NEIL3: variants seen among roughly 807,000 people sequenced by gnomAD.
NEIL3 encodes nei like DNA glycosylase 3.
Under a neutral mutation model 57.5 loss-of-function variants are expected in NEIL3, and 48 were observed. The ratio of observed to expected loss-of-function variants is 0.83; its 90% CI spans 0.66 to 1.06. The LOEUF (loss-of-function observed/expected upper bound fraction) is 1.06, where lower values mean the gene tolerates loss of function less well. Among genes scored for constraint, NEIL3 ranks in the 50% least tolerant of loss-of-function variants. The pLI is 0.00. For synonymous variants in NEIL3, 261 were observed against 253.2 expected (o/e 1.03, Z -0.29); for missense variants, 717 against 739.1 (o/e 0.97, Z 0.35).
chr4:177,318,559 A>G (rs771023513), intron 1 of NEIL3, among the ~76,000 whole-genome samples: 4 of 152,280 alleles, frequency 2.6e-5, no homozygotes, highest in East Asian at 3.9e-4. Flanking sequence ...CAGAAAATCT[A>G]TCTACTACTC....
intron 1 of NEIL3, among the ~76,000 whole-genome samples, chr4:177,320,471 T>G (rs1255315053): frequency 1.2e-5 from 1 of 80,656 alleles, no homozygotes; most frequent in South Asian, 4.0e-4. Flanking sequence ...GCTGTCTTTT[T>G]TTTTTTTTTT....
At chr4:177,349,452 G>A (rs1051345995) in intron 6 of NEIL3, among the ~76,000 whole-genome samples, 4 of 152,028 alleles carry the variant, frequency 2.6e-5, no homozygotes, top group African/African-American at 9.7e-5. Context: ...CTCTGCCTTT[G>A]TGGTCTCCTT....
At chr4:177,320,700 C>T (rs1734667520) in intron 1 of NEIL3, among the ~76,000 whole-genome samples, 1 of 151,156 alleles carries the variant, frequency 6.6e-6, no homozygotes, top group African/African-American at 2.4e-5. Flanking sequence ...ATCTCCTGAC[C>T]TCGTGATCCG....
At chr4:177,366,251 A>C (rs1735691201), downstream of NEIL3, among the ~76,000 whole-genome samples, 1 of 152,248 alleles carries the variant, frequency 6.6e-6, no homozygotes, top group African/African-American at 2.4e-5. Flanking sequence ...CAACTATATC[A>C]TCAAGGATGG....
At chr4:177,329,838 A>G (rs748408139) in intron 2 of NEIL3, among the ~76,000 whole-genome samples, 14 of 152,226 alleles carry the variant, frequency 9.2e-5, no homozygotes, top group Non-Finnish European at 1.6e-4. Flanking sequence ...ATTTAAAAGT[A>G]TTGATATCAT....
At chr4:177,344,723 A>T (rs1735177192) in intron 6 of NEIL3, among the ~76,000 whole-genome samples, 1 of 151,736 alleles carries the variant, frequency 6.6e-6, no homozygotes, top group African/African-American at 2.4e-5. Flanking sequence ...CACCACGCCC[A>T]GCTAATTTTT....
chr4:177,364,251 C>T (rs1735663148), downstream of NEIL3, among the ~76,000 whole-genome samples: 1 of 152,170 alleles, frequency 6.6e-6, no homozygotes, highest in Non-Finnish European at 1.5e-5. Context: ...CTGAACCCAA[C>T]CTCCCCACAG....
At chr4:177,366,077 G>A (rs1735688416), downstream of NEIL3, among the ~76,000 whole-genome samples, 1 of 152,138 alleles carries the variant, frequency 6.6e-6, no homozygotes, top group African/African-American at 2.4e-5. Flanking sequence ...GGGAAATAAA[G>A]CCAGGTGGAA....
downstream of NEIL3, among the ~76,000 whole-genome samples, chr4:177,365,741 G>T (rs1162792450): frequency 6.6e-6 from 1 of 152,140 alleles, no homozygotes; most frequent in Non-Finnish European, 1.5e-5. Flanking sequence ...TATGCTGTAG[G>T]AATTTAACTC....
intron 1 of NEIL3, among the ~76,000 whole-genome samples, chr4:177,312,127 TG>T (rs1274956739): frequency 9.8e-5 from 15 of 152,326 alleles, no homozygotes; most frequent in African/African-American, 3.6e-4. Flanking sequence ...TGGCATGAGA[TG>T]CTTTTACATT....
In NEIL3 at chr4:177,360,681, T is replaced by A; in HGVS notation, c.1635+4T>A. The A allele has an allele frequency of 6.3e-7, 1 of 1,595,686 alleles. No individual in the cohort carries two copies. The highest frequency in any genetic ancestry group is 1.7e-5 in the Admixed American group (1 of 58,396). On this transcript the variant is annotated splice_donor_region_variant and intron_variant, in intron 9 of 9. Coordinates refer to ENST00000264596, the MANE Select transcript of NEIL3 (RefSeq NM_018248.3). ...AGCACAATGTGGATTTTTTGAAGTA[T>A]GTGTAAGATTTATCTAGCTTACTAA...
At chr4:177,319,213 CTT>C (rs1315880036) in intron 1 of NEIL3, among the ~76,000 whole-genome samples, 2 of 152,106 alleles carry the variant, frequency 1.3e-5, no homozygotes, top group Non-Finnish European at 2.9e-5. Flanking sequence ...TTCTCTGTCT[CTT>C]TGCTAGTAGC....
intron 5 of NEIL3, 147 bp from the exon 6 acceptor site, chr4:177,341,329 G>A (rs1302139429): frequency 1.9e-6 from 1 of 529,180 alleles, no homozygotes; most frequent in Non-Finnish European, 3.1e-6. Flanking sequence ...TTTCTCTGAT[G>A]AAAGAAAAGA....
At chr4:177,310,230 A>T in intron 1 of NEIL3, 121 bp downstream of exon 1, 1 of 1,118,342 alleles carries the variant, frequency 8.9e-7, no homozygotes. Context: ...CTGGGGTCCC[A>T]CCTTTCACAG....
chr4:177,342,900 A>G (rs1402982473), intron 6 of NEIL3: 1 of 152,210 alleles, frequency 6.6e-6, no homozygotes, highest in Non-Finnish European at 1.5e-5. Context: ...GGTCATTAGT[A>G]GTTTGGAGAA....
downstream of NEIL3, among the ~76,000 whole-genome samples, chr4:177,363,692 T>A (rs6858636): frequency 0.98 from 149,530 of 152,338 alleles, 73,439 homozygotes; most frequent in East Asian, 1. Context: ...TAAATGAAAC[T>A]ATAGGTTATA....
chr4:177,348,329 C>T (rs73865002), intron 6 of NEIL3, among the ~76,000 whole-genome samples: 1 of 152,160 alleles, frequency 6.6e-6, no homozygotes, highest in African/African-American at 2.4e-5. Context: ...GGTTCCCCCC[C>T]TCTACCAGGT....
chr4:177,331,287 G>C (rs1018970607), intron 2 of NEIL3, among the ~76,000 whole-genome samples: 1 of 150,770 alleles, frequency 6.6e-6, no homozygotes, highest in Non-Finnish European at 1.5e-5. Context: ...CTATATTCAG[G>C]TTCACTTATT....
rs919260579 is a variant in NEIL3 at position 177,345,074 on chromosome 4, C to G, written c.869+3432C>G. Among the ~76,000 whole-genome samples the G allele has an allele frequency of 1.3e-5, 2 of 151,896 alleles. 1 individual carries two copies. The highest frequency in any genetic ancestry group is 2.9e-5 in the Non-Finnish European group (2 of 67,982). On this transcript the variant is annotated intron_variant, in intron 6 of 9. Coordinates refer to ENST00000264596, the MANE Select transcript of NEIL3 (RefSeq NM_018248.3). Reference sequence around the variant, plus strand: ...CACAGCCTCTCAAAGTGCTCAAGGGCTAATGTGGGAAGTAAATGGTAAATA... The same window carrying G: ...CACAGCCTCTCAAAGTGCTCAAGGGGTAATGTGGGAAGTAAATGGTAAATA...
Sources: allele counts gnomAD v4.1 joint callset (sites outside exome capture counted in the v4.1 genomes callset), GRCh38; gene constraint gnomAD v4.1.1; transcripts MANE v1.5; gene names NCBI Gene and HGNC (gene_info 2026-07-23, HGNC 2026-07-21).